The following PAX7 variants were observed in gnomAD, a reference collection of about 807,000 sequenced individuals.
PAX7 encodes paired box protein Pax-7.
Under a neutral mutation model 50.7 loss-of-function variants are expected in PAX7, and 18 were observed. That is an observed-to-expected ratio of 0.36 (90% confidence interval 0.25 to 0.53). The LOEUF is 0.53. Ranked by LOEUF, PAX7 falls within the 20% of genes least tolerant of loss-of-function variation. The probability of loss-of-function intolerance (pLI) is 0.93; values close to 1 mark genes in which losing one functional copy is unlikely to be tolerated. For synonymous variants in PAX7, 310 were observed against 290.4 expected (o/e 1.07, Z -0.69); for missense variants, 644 against 702.9 (o/e 0.92, Z 0.95).
At chr1:18,705,676 G>A (rs1297502224) in intron 7 of PAX7, among the ~76,000 whole-genome samples, 6 of 152,222 alleles carry the variant, frequency 3.9e-5, no homozygotes, top group Non-Finnish European at 8.8e-5. Context: ...CAACCCACTG[G>A]TGTGAGCAGT....
rs1249630154 is a variant in PAX7, at chr1:18,726,714, G to A, written c.1156-8918G>A. 6.6e-6 allele frequency among the ~76,000 whole-genome samples: 1 copy of A among 152,184 alleles called. No homozygotes were observed. Among genetic ancestry groups the A allele is most frequent in the East Asian group, 1.9e-4 (1 of 5,194 alleles). ...GGGTCTCTCCCTCACACACCAGAAG[G>A]TTCTTACCAAAGTCTCAGCTGGATG... On this transcript the variant is annotated intron_variant, in intron 7 of 8. Coordinates refer to ENST00000420770, the MANE Select transcript of PAX7 (RefSeq NM_001135254.2). The surrounding 1 kb of genome is among the most constrained non-coding windows in gnomAD (Gnocchi z 4.8).
intron 7 of PAX7, among the ~76,000 whole-genome samples, chr1:18,733,921 G>A (rs1239993510): frequency 6.6e-6 from 1 of 152,108 alleles, no homozygotes; most frequent in Non-Finnish European, 1.5e-5. Flanking sequence ...TGGGAAATGG[G>A]CATCCTAGCT....
chr1:18,644,123 G>A (rs987690154), intron 4 of PAX7, among the ~76,000 whole-genome samples: 1 of 152,260 alleles, frequency 6.6e-6, no homozygotes, highest in Non-Finnish European at 1.5e-5. Flanking sequence ...ACTGGAGGGC[G>A]AGTAATGGGG....
At chr1:18,681,176 A>T (rs1288683783) in intron 4 of PAX7, among the ~76,000 whole-genome samples, 2 of 133,088 alleles carry the variant, frequency 1.5e-5, no homozygotes, top group African/African-American at 6.2e-5. Context: ...AAAAAAAAAA[A>T]AAAAAAAAAA....
chr1:18,650,419 A>G (rs1391207865), intron 4 of PAX7, among the ~76,000 whole-genome samples: 2 of 152,146 alleles, frequency 1.3e-5, no homozygotes, highest in African/African-American at 2.4e-5. Context: ...GGCCTGGTGG[A>G]GCAGCTGGCT....
At chr1:18,645,939 C>T (rs2088330867) in intron 4 of PAX7, among the ~76,000 whole-genome samples, 1 of 152,222 alleles carries the variant, frequency 6.6e-6, no homozygotes, top group South Asian at 2.1e-4. Context: ...TTTCCCCCGC[C>T]TCCCGCGGTC....
chr1:18,662,083 G>T (rs1393499527), intron 4 of PAX7, among the ~76,000 whole-genome samples: 1 of 148,624 alleles, frequency 6.7e-6, no homozygotes, highest in African/African-American at 2.5e-5. Context: ...CTGCTCTGGG[G>T]TTGGGCAACA....
At position 18,744,522 on chromosome 1, in the gene PAX7, A is replaced by AATGG. The variant is rs1378970349; in HGVS notation, c.1403-285_1403-282dup. Among the ~76,000 whole-genome samples, 3 of 98,122 alleles carry AATGG rather than the reference A, an allele frequency of 3.1e-5. No homozygotes were observed. In the East Asian group the frequency reaches 7.5e-4, roughly 25 times the overall value. 64.4% of individuals were successfully genotyped at this position (98,122 alleles called of 152,430 possible). ...TGGACAGAGAATGGATAAATGAATG[A>AATGG]ATGGATGGATAGATGGACAGAATGG... On this transcript the variant is annotated intron_variant, in intron 8 of 8. Coordinates refer to ENST00000420770, the MANE Select transcript of PAX7 (RefSeq NM_001135254.2).
chr1:18,638,778 C>G (rs1448384103), intron 4 of PAX7, among the ~76,000 whole-genome samples: 1 of 152,134 alleles, frequency 6.6e-6, no homozygotes, highest in East Asian at 1.9e-4. Context: ...CAAATTGTAT[C>G]CGTTTCCTAT....
chr1:18,664,529 T>G (rs1279367983), intron 4 of PAX7, among the ~76,000 whole-genome samples: 1 of 152,190 alleles, frequency 6.6e-6, no homozygotes, highest in Non-Finnish European at 1.5e-5. Context: ...TGGTCAGCAC[T>G]TTACAGTTTA....
intron 8 of PAX7, among the ~76,000 whole-genome samples, chr1:18,742,408 G>A (rs1931198368): frequency 6.6e-6 from 1 of 152,042 alleles, no homozygotes; most frequent in African/African-American, 2.4e-5. Context: ...CACCCACCTT[G>A]GCCTCCCAAA....
intron 4 of PAX7, 151 bp from the exon 5 acceptor site, chr1:18,691,603 T>A (rs2100295560): frequency 1.5e-6 from 1 of 651,678 alleles, no homozygotes; most frequent in African/African-American, 1.8e-5. Flanking sequence ...AGGGTGAGCA[T>A]CCTTCTATCT....
intron 4 of PAX7, among the ~76,000 whole-genome samples, chr1:18,655,902 A>ACTTC (rs1364722572): frequency 6.6e-6 from 1 of 151,444 alleles, no homozygotes; most frequent in Admixed American, 6.6e-5. Context: ...TTGTTCATCT[A>ACTTC]CTTCCTTCCT....
intron 4 of PAX7, among the ~76,000 whole-genome samples, chr1:18,680,673 C>T (rs1202066183): frequency 6.6e-6 from 1 of 152,208 alleles, no homozygotes; most frequent in Non-Finnish European, 1.5e-5. Context: ...CTCCACCACA[C>T]TTTGTAAGAT....
In PAX7 at chr1:18,746,645, C is replaced by T; in HGVS notation, c.*1716C>T. On this transcript the variant is annotated 3_prime_UTR_variant, in exon 9 of 9. Transcript: ENST00000420770. ...GGGTTCATGAGGCCACCTCTTTGCT[C>T]AATCCATGCCTCTTGCCCTCAGTCA... 2 of 231,010 alleles carry T rather than the reference C, an allele frequency of 8.7e-6. No homozygotes were observed. The allele number at this position is 231,010 out of a possible 1,614,324, so 14.3% of individuals were successfully genotyped here.
At position 18,726,914 on chromosome 1, in the gene PAX7, C is replaced by T. The variant is rs575807693; in HGVS notation, c.1156-8718C>T. ...TGGTCAGAGATGGCAGTCAATGACC[C>T]GGTGTTCACCACGTATCCTCTGAGC... On this transcript the variant is annotated intron_variant, in intron 7 of 8. Coordinates refer to ENST00000420770, the MANE Select transcript of PAX7 (RefSeq NM_001135254.2). This position sits in a 1 kb window ranked among gnomAD's most constrained non-coding sequence, Gnocchi z 4.8. Among the ~76,000 whole-genome samples, 11 of 152,258 alleles carry T rather than the reference C, an allele frequency of 7.2e-5. No homozygotes were observed. In the South Asian group the frequency reaches 1.9e-3, roughly 26 times the overall value.
chr1:18,730,038 C>G (rs2100393062), intron 7 of PAX7, among the ~76,000 whole-genome samples: 1 of 152,244 alleles, frequency 6.6e-6, no homozygotes, highest in African/African-American at 2.4e-5. Context: ...TGCCTCTTCC[C>G]TTCTAATCCA....
rs1365772613 is a variant in PAX7, at chr1:18,700,595, C to T, written c.787-58C>T. 4 of 1,445,620 alleles carry T rather than the reference C, an allele frequency of 2.8e-6. No individual in the cohort carries two copies. The highest frequency in any genetic ancestry group is 1.5e-5 in the African/African-American group (1 of 68,602). The allele number at this position is 1,445,620 out of a possible 1,614,324, so 89.5% of individuals were successfully genotyped here. A position where few individuals can be genotyped will look rare whatever the true frequency, so the allele number is the denominator to read the frequency against. ...TGGGCAACTGGGTCTACATGTGTTG[C>T]AGCTCTCTGCCAGGAACCTGGCCGA... On this transcript the variant is annotated intron_variant, in intron 5 of 8. Transcript: ENST00000420770. This position sits in a 1 kb window ranked among gnomAD's most constrained non-coding sequence, Gnocchi z 4.8.
At chr1:18,698,098 G>A (rs1392774057) in intron 5 of PAX7, among the ~76,000 whole-genome samples, 2 of 152,106 alleles carry the variant, frequency 1.3e-5, no homozygotes, top group Non-Finnish European at 2.9e-5. Context: ...CTAAGGACCT[G>A]CTGCTACATG....
Sources: allele counts gnomAD v4.1 joint callset (sites outside exome capture counted in the v4.1 genomes callset), GRCh38; gene constraint gnomAD v4.1.1; non-coding constraint Gnocchi (gnomAD v3.1); transcripts MANE v1.5; gene names NCBI Gene and HGNC (gene_info 2026-07-23, HGNC 2026-07-21).